NALCN: variants seen among roughly 807,000 people sequenced by gnomAD.
NALCN encodes sodium leak channel NALCN.
Under a neutral mutation model 225.3 loss-of-function variants are expected in NALCN, and 111 were observed. The observed-to-expected ratio is 0.49, with a 90% confidence interval of 0.42 to 0.58. NALCN has a LOEUF of 0.58. Ranked by LOEUF, NALCN falls within the 20% of genes least tolerant of loss-of-function variation. The pLI is 0.00. For synonymous variants in NALCN, 764 were observed against 769.0 expected (o/e 0.99, Z 0.11); for missense variants, 1,378 against 2,202.4 (o/e 0.63, Z 7.49).
At chr13:101,211,983 G>GA (rs922429561) in intron 13 of NALCN, among the ~76,000 whole-genome samples, 15 of 147,836 alleles carry the variant, frequency 1.0e-4, no homozygotes, top group South Asian at 2.1e-4. Context: ...TATTCTCCAA[G>GA]AAAAAAAAAA....
intron 6 of NALCN, among the ~76,000 whole-genome samples, chr13:101,358,007 CT>C (rs1358612320): frequency 6.6e-6 from 1 of 152,124 alleles, no homozygotes; most frequent in Non-Finnish European, 1.5e-5. Context: ...AACTGGACCC[CT>C]TATACCTTAG....
At chr13:101,057,795 A>G (rs1372520212) in intron 43 of NALCN, 144 bp downstream of exon 43, 6 of 726,512 alleles carry the variant, frequency 8.3e-6, no homozygotes, top group African/African-American at 1.7e-5. Context: ...TGTTTTTGAC[A>G]AGACTACATT....
intron 17 of NALCN, among the ~76,000 whole-genome samples, chr13:101,139,550 C>A (rs915773669): frequency 6.6e-6 from 1 of 151,894 alleles, no homozygotes; most frequent in Admixed American, 6.6e-5. Context: ...TTCTTTCATA[C>A]CAGTCACTGA....
chr13:101,298,433 G>C (rs1231228483), intron 7 of NALCN, among the ~76,000 whole-genome samples: 8 of 151,308 alleles, frequency 5.3e-5, no homozygotes, highest in Admixed American at 5.3e-4. Flanking sequence ...TGATTCTCCT[G>C]CCTCAGCCTC....
At chr13:101,060,106 C>G (rs1412738156) in intron 41 of NALCN, 139 bp from the exon 42 acceptor site, 4 of 972,232 alleles carry the variant, frequency 4.1e-6, no homozygotes, top group Non-Finnish European at 6.0e-6. Flanking sequence ...AAGTAAGGAT[C>G]CTGAACTAAT....
intron 17 of NALCN, among the ~76,000 whole-genome samples, chr13:101,128,453 C>T (rs16958431): frequency 0.039 from 5,912 of 152,252 alleles, 314 homozygotes; most frequent in African/African-American, 0.12. Flanking sequence ...ATGAATCTTG[C>T]TGATTTTTTG....
chr13:101,227,350 A>C (rs1184183337), intron 13 of NALCN, among the ~76,000 whole-genome samples: 1 of 152,116 alleles, frequency 6.6e-6, no homozygotes, highest in Admixed American at 6.5e-5. Context: ...CAATAACTCA[A>C]GCATACCCCG....
At chr13:101,198,504 A>G (rs981614539) in intron 13 of NALCN, among the ~76,000 whole-genome samples, 8 of 152,240 alleles carry the variant, frequency 5.3e-5, no homozygotes, top group South Asian at 2.1e-4. Context: ...ACTTTTCAAA[A>G]GAAGACATTT....
chr13:101,376,381 G>C (rs964065945), intron 6 of NALCN, among the ~76,000 whole-genome samples: 5 of 152,098 alleles, frequency 3.3e-5, no homozygotes, highest in African/African-American at 1.2e-4. Context: ...GTCGGGCATG[G>C]TGGTGCACGC....
chr13:101,245,094 G>T (rs1313706425), intron 11 of NALCN, among the ~76,000 whole-genome samples: 1 of 152,102 alleles, frequency 6.6e-6, no homozygotes, highest in Non-Finnish European at 1.5e-5. Context: ...AAAGTGGAAC[G>T]GTGGCTTCCA....
intron 39 of NALCN, among the ~76,000 whole-genome samples, chr13:101,066,269 C>T (rs1367264725): frequency 6.7e-6 from 1 of 148,290 alleles, no homozygotes; most frequent in African/African-American, 2.5e-5. Flanking sequence ...GAGGTTGCAC[C>T]ACTGCATTCC....
At chr13:101,166,645 A>G (rs2038451821) in intron 15 of NALCN, among the ~76,000 whole-genome samples, 2 of 152,170 alleles carry the variant, frequency 1.3e-5, no homozygotes, top group Admixed American at 1.3e-4. Context: ...TCCTCATCAG[A>G]CACACGATTT....
chr13:101,073,595 G>T lies in NALCN; in HGVS notation c.4186C>A (p.His1396Asn). The change falls in exon 37 of 44, where the codon CAT (histidine) becomes AAT (asparagine). Residue 1396 changes from histidine (H) to asparagine (N), a missense_variant. Around this residue, in one of 19 missense-constraint regions of NALCN, gnomAD observed 76 missense variants for 118.7 expected, o/e 0.64. Transcript: ENST00000251127. ...VTGEDWNKIM[H>N]DCMVQPPFCT... is the part of the protein sequence containing the mutation. ...TGAGAGATATTTACCATACAGTCATGCATAATCTTGTTCCAGTCTTCACCT... is the reference window on the plus strand; with the variant it reads ...TGAGAGATATTTACCATACAGTCATTCATAATCTTGTTCCAGTCTTCACCT... 1 of 1,612,580 alleles carries T rather than the reference G, an allele frequency of 6.2e-7. No individual in the cohort carries two copies. The highest frequency in any genetic ancestry group is 8.5e-7 in the Non-Finnish European group (1 of 1,178,888).
intron 31 of NALCN, 29 bp from the exon 32 acceptor site, chr13:101,083,227 T>G (rs768222912): frequency 3.9e-6 from 6 of 1,552,006 alleles, no homozygotes. Flanking sequence ...GGCAAGGGCA[T>G]TTTAGACACA....
At chr13:101,131,982 C>T (rs1224483453) in intron 17 of NALCN, among the ~76,000 whole-genome samples, 1 of 151,912 alleles carries the variant, frequency 6.6e-6, no homozygotes, top group African/African-American at 2.4e-5. Flanking sequence ...TTATTTATCA[C>T]CTCTTTCCCC....
chr13:101,300,961 T>A (rs543871432), intron 7 of NALCN, among the ~76,000 whole-genome samples: 1 of 152,374 alleles, frequency 6.6e-6, no homozygotes, highest in East Asian at 1.9e-4. Flanking sequence ...ACTTGCCATA[T>A]TGGTAAACTC....
intron 15 of NALCN, among the ~76,000 whole-genome samples, chr13:101,166,416 T>A (rs2038441128): frequency 6.8e-6 from 1 of 147,056 alleles, no homozygotes; most frequent in Admixed American, 6.7e-5. Context: ...TTTTTTTTTT[T>A]GATAGTGGCC....
Position 101,379,474 on chromosome 13 carries a change from C to T in NALCN, c.292-821G>A, listed in dbSNP as rs1290997211. 2.6e-5 allele frequency among the ~76,000 whole-genome samples: 4 copies of T among 152,240 alleles called. 1 individual carries two copies. The highest frequency in any genetic ancestry group is 1.9e-4 in the East Asian group (1 of 5,184). ...AAGACTTGGAATCAATCCAAATGCC[C>T]ATCAATGATAAACTGGTTAAAGAAA... On this transcript the variant is annotated intron_variant, in intron 3 of 43. Transcript: ENST00000251127.
intron 13 of NALCN, among the ~76,000 whole-genome samples, chr13:101,227,099 G>A (rs1024320161): frequency 1.3e-5 from 2 of 152,300 alleles, no homozygotes; most frequent in Middle Eastern, 3.4e-3. Context: ...CTGTTGCAGT[G>A]AGGGAACAAA....
Sources: allele counts gnomAD v4.1 joint callset (sites outside exome capture counted in the v4.1 genomes callset), GRCh38; gene constraint gnomAD v4.1.1; regional missense constraint gnomAD v4.1.1; transcripts MANE v1.5; gene names NCBI Gene and HGNC (gene_info 2026-07-23, HGNC 2026-07-21).